The following TRHDE variants were observed in gnomAD, a reference collection of about 807,000 sequenced individuals.
The protein encoded by TRHDE is thyrotropin-releasing hormone-degrading ectoenzyme.
In TRHDE, 72 loss-of-function variants were observed where a neutral mutation model predicts 125.7. The observed-to-expected ratio is 0.57, with a 90% CI of 0.47 to 0.70. The LOEUF (loss-of-function observed/expected upper bound fraction) is 0.70. TRHDE is among the 30% of genes least tolerant of loss of function. The probability of loss-of-function intolerance (pLI) is 0.00; values close to 1 mark genes in which losing one functional copy is unlikely to be tolerated. For missense variants in TRHDE, 1,110 were observed against 1,327.1 expected, an observed-to-expected ratio of 0.84 and a Z score of 2.54; for synonymous variants, 509 against 509.1, an observed-to-expected ratio of 1.00 and a Z score of 0.00.
At chr12:72,393,196 C>A (rs895898585) in intron 3 of TRHDE, among the ~76,000 whole-genome samples, 3 of 152,118 alleles carry the variant, frequency 2.0e-5, no homozygotes, top group South Asian at 2.1e-4. Flanking sequence ...ACTTATTTTC[C>A]TCTGCAACCT....
chr12:72,187,305 AAC>A (rs1376914305), intron 2 of TRHDE, among the ~76,000 whole-genome samples: 94 of 136,000 alleles, frequency 6.9e-4, no homozygotes, highest in African/African-American at 2.5e-3. Context: ...TCTTCAGAGA[AAC>A]ACAACACACA....
intron 2 of TRHDE, among the ~76,000 whole-genome samples, chr12:72,343,539 C>T (rs1870178191): frequency 6.6e-6 from 1 of 151,990 alleles, no homozygotes; most frequent in Non-Finnish European, 1.5e-5. Context: ...ATTTTCTTGT[C>T]CTAAGCCAGG....
chr12:72,284,357 G>A (rs1324228977), intron 1 of TRHDE, among the ~76,000 whole-genome samples: 1 of 152,036 alleles, frequency 6.6e-6, no homozygotes, highest in Non-Finnish European at 1.5e-5. Context: ...AAAATCCCAT[G>A]GGCATCTTTT....
chr12:72,490,466 T>C (rs1390976321), intron 5 of TRHDE, among the ~76,000 whole-genome samples: 2 of 151,826 alleles, frequency 1.3e-5, no homozygotes, highest in African/African-American at 4.8e-5. Flanking sequence ...ATCCCTCTTC[T>C]GCATACATAC....
chr12:72,533,908 A>G (rs1348153454), intron 6 of TRHDE, among the ~76,000 whole-genome samples: 1 of 151,964 alleles, frequency 6.6e-6, no homozygotes, highest in Non-Finnish European at 1.5e-5. Flanking sequence ...TTTTGGTCTC[A>G]TATTATCTTG....
At chr12:72,336,527 T>A (rs1258560918) in intron 2 of TRHDE, among the ~76,000 whole-genome samples, 1 of 152,176 alleles carries the variant, frequency 6.6e-6, no homozygotes, top group African/African-American at 2.4e-5. Flanking sequence ...AAGAAACAGG[T>A]CCTAGAGCCT....
intron 12 of TRHDE, among the ~76,000 whole-genome samples, chr12:72,585,384 T>C (rs1029122940): frequency 1.3e-5 from 2 of 152,218 alleles, no homozygotes; most frequent in Non-Finnish European, 2.9e-5. Flanking sequence ...AATAAATAAA[T>C]GTTATTTTTG....
At chr12:72,186,855 C>T (rs1377626127) in intron 2 of TRHDE, among the ~76,000 whole-genome samples, 1 of 151,622 alleles carries the variant, frequency 6.6e-6, no homozygotes, top group Non-Finnish European at 1.5e-5. Flanking sequence ...GCACTAGTTC[C>T]AATTAGATTC....
At chr12:72,533,422 C>G (rs111907924) in intron 6 of TRHDE, among the ~76,000 whole-genome samples, 3,813 of 152,172 alleles carry the variant, frequency 0.025, 156 homozygotes, top group African/African-American at 0.086. Flanking sequence ...ATCTGCCCAC[C>G]CTGGACTCCC....
intron 2 of TRHDE, among the ~76,000 whole-genome samples, chr12:72,258,754 T>C (rs1339533064): frequency 1.1e-4 from 17 of 152,150 alleles, no homozygotes; most frequent in Non-Finnish European, 1.5e-5. Flanking sequence ...TCTGAATGAG[T>C]TCTGCAATCT....
At chr12:72,555,384 GA>G (rs1201649093) in intron 7 of TRHDE, among the ~76,000 whole-genome samples, 1 of 151,914 alleles carries the variant, frequency 6.6e-6, no homozygotes, top group Non-Finnish European at 1.5e-5. Flanking sequence ...CCAGTGGCTT[GA>G]ACTGCTATAC....
intron 2 of TRHDE, among the ~76,000 whole-genome samples, chr12:72,336,828 T>C (rs937201569): frequency 1.3e-5 from 2 of 152,134 alleles, no homozygotes; most frequent in African/African-American, 4.8e-5. Context: ...ATCCATTCAT[T>C]TGGGCAGAGC....
intron 6 of TRHDE, among the ~76,000 whole-genome samples, chr12:72,504,405 G>C (rs770101954): frequency 1.1e-4 from 17 of 151,648 alleles, no homozygotes; most frequent in Non-Finnish European, 2.4e-4. Context: ...CCGGGTTCAA[G>C]TGATTCTTCT....
intron 7 of TRHDE, among the ~76,000 whole-genome samples, chr12:72,551,302 A>G (rs931312757): frequency 6.6e-6 from 1 of 152,116 alleles, no homozygotes; most frequent in Non-Finnish European, 1.5e-5. Flanking sequence ...AGAGAGCTTC[A>G]TGTTAGCATG....
At chr12:72,431,279 T>C (rs1430980187) in intron 3 of TRHDE, among the ~76,000 whole-genome samples, 2 of 152,164 alleles carry the variant, frequency 1.3e-5, no homozygotes, top group Non-Finnish European at 2.9e-5. Context: ...AGTCAATGGA[T>C]GTACTATACT....
intron 3 of TRHDE, among the ~76,000 whole-genome samples, chr12:72,427,693 T>C (rs1874250013): frequency 6.6e-6 from 1 of 152,128 alleles, no homozygotes; most frequent in Non-Finnish European, 1.5e-5. Context: ...TATATTTAGA[T>C]AACATAAGGG....
intron 6 of TRHDE, among the ~76,000 whole-genome samples, chr12:72,530,757 C>T (rs1039445391): frequency 1.3e-5 from 2 of 151,704 alleles, no homozygotes; most frequent in African/African-American, 4.8e-5. Context: ...GAAATCTTTC[C>T]TGATTATCTT....
chr12:72,568,527 A>G (rs754296295), intron 9 of TRHDE, 41 bp from the exon 10 acceptor site: 7 of 1,455,074 alleles, frequency 4.8e-6, no homozygotes, highest in South Asian at 1.2e-5. Flanking sequence ...TTGTTTCGAT[A>G]TAGTTATTTT....
In TRHDE at chr12:72,564,653, A is replaced by ATTTTTTTTTTTTTTTTTTTTTT. The variant is rs538823843; in HGVS notation, c.2042+1624_2042+1645dup. Among the ~76,000 whole-genome samples, 5 of 54,316 alleles carry ATTTTTTTTTTTTTTTTTTTTTT rather than the reference A, an allele frequency of 9.2e-5. 2 individuals carry two copies. The highest frequency in any genetic ancestry group is 6.3e-4 in the East Asian group (1 of 1,594). The allele number at this position is 54,316 out of a possible 152,430, so 35.6% of individuals were successfully genotyped here. On this transcript the variant is annotated intron_variant, in intron 9 of 18. Coordinates refer to ENST00000261180, the MANE Select transcript of TRHDE (RefSeq NM_013381.3). ...TGGAATTATAAAATCATGCGTATGA[A>ATTTTTTTTTTTTTTTTTTTTTT]TTTTTTTTTTTTTTTTTTTTTTTTT...
Sources: allele counts gnomAD v4.1 joint callset (sites outside exome capture counted in the v4.1 genomes callset), GRCh38; gene constraint gnomAD v4.1.1; transcripts MANE v1.5; gene names NCBI Gene and HGNC (gene_info 2026-07-23, HGNC 2026-07-21).